WSB1: variants seen among roughly 807,000 people sequenced by gnomAD.
WSB1 encodes WD repeat and SOCS box-containing protein 1.
In WSB1, 23 loss-of-function variants were observed where a neutral mutation model predicts 50.2. The ratio of observed to expected loss-of-function variants is 0.46; its 90% confidence interval spans 0.33 to 0.65. The LOEUF (loss-of-function observed/expected upper bound fraction) is 0.65, where lower values mean the gene tolerates loss of function less well. Ranked by LOEUF, WSB1 falls within the 30% of genes least tolerant of loss-of-function variation. The pLI is 0.02. For synonymous variants in WSB1, 179 were observed against 172.0 expected, an observed-to-expected ratio of 1.04 and a Z score of -0.32; for missense variants, 492 against 522.3, an observed-to-expected ratio of 0.94 and a Z score of 0.56.
At position 27,314,797 on chromosome 17, in the gene WSB1, C is replaced by T. The variant is rs1054735660; in HGVS notation, c.*2428C>T. 1 of 152,080 alleles carries T rather than the reference C, an allele frequency of 6.6e-6. No individual in the cohort carries two copies. Among genetic ancestry groups the T allele is most frequent in the Non-Finnish European group, 1.5e-5 (1 of 68,102 alleles). 9.4% of individuals were successfully genotyped at this position (152,080 alleles called of 1,614,324 possible). ...TCTCCTGCCTCAGCCTCCCAAGCAG[C>T]TGGGATTACAGGCGCTCCCCCACCA... On this transcript the variant is annotated 3_prime_UTR_variant, in exon 9 of 9. Coordinates refer to ENST00000262394, the MANE Select transcript of WSB1 (RefSeq NM_015626.10).
rs903067782 is a variant in WSB1, at chr17:27,311,490, T to A, written c.999-19T>A. ...CTTACATTTTCTACAAGATACTAAA[T>A]AATTTATTTCATTTTCAGAATGGTG... On this transcript the variant is annotated intron_variant, in intron 7 of 8. Transcript: ENST00000262394. 45 of 1,570,978 alleles carry A rather than the reference T, an allele frequency of 2.9e-5. No individual in the cohort carries two copies. The highest frequency in any genetic ancestry group is 3.8e-5 in the Non-Finnish European group (44 of 1,163,980).
chr17:27,294,366 G>T lies in WSB1; in HGVS notation c.-30G>T, dbSNP rs555516977. 1.2e-6 allele frequency: 2 copies of T among 1,611,924 alleles called. No homozygotes were observed. Among genetic ancestry groups the T allele is most frequent in the East Asian group, 2.2e-5 (1 of 44,780 alleles). On this transcript the variant is annotated 5_prime_UTR_variant, in exon 1 of 9. Transcript: ENST00000262394. The stretch of plus-strand genomic sequence containing the variant: ...TCTTCTCTGTTGTTGGGTCCGCATC[G>T]TATTCCCGGAATCAGACGGTGCCCC...
intron 5 of WSB1, chr17:27,307,547 A>G: frequency 3.4e-6 from 2 of 580,466 alleles, no homozygotes; most frequent in South Asian, 4.4e-5. Flanking sequence ...CTTTGAATTA[A>G]TGGAGGGTGG....
At position 27,313,594 on chromosome 17, in the gene WSB1, G is replaced by T. The variant is rs1383051223; in HGVS notation, c.*1225G>T. 1 of 151,288 alleles carries T rather than the reference G, an allele frequency of 6.6e-6. No individual in the cohort carries two copies. Among genetic ancestry groups the T allele is most frequent in the Admixed American group, 6.6e-5 (1 of 15,160 alleles). The allele number at this position is 151,288 out of a possible 1,614,324, so 9.4% of individuals were successfully genotyped here. The stretch of plus-strand genomic sequence containing the variant: ...GTAAAATGCTCAATTATATATTTTT[G>T]TTGAGTTTTTTAATTAAAGACTTGT... On this transcript the variant is annotated 3_prime_UTR_variant, in exon 9 of 9. Transcript: ENST00000262394.
At position 27,304,766 on chromosome 17, in the gene WSB1, T is replaced by G. The variant is rs753142513; in HGVS notation, c.479-14T>G. ...TTAATACTGTCTTTTTTTTCCCTTTTCTATCATATTTAGGAAAACTCCTCC... is the reference window on the plus strand; with the variant it reads ...TTAATACTGTCTTTTTTTTCCCTTTGCTATCATATTTAGGAAAACTCCTCC... On this transcript the variant is annotated splice_polypyrimidine_tract_variant and intron_variant, in intron 3 of 8. Transcript: ENST00000262394. 2.0e-5 allele frequency: 32 copies of G among 1,607,880 alleles called. No individual in the cohort carries two copies. In the South Asian group the frequency reaches 3.6e-4, roughly 18 times the overall value.
At position 27,303,639 on chromosome 17, in the gene WSB1, T is replaced by C. The variant is rs1567687451; in HGVS notation, c.478+4T>C. ...AAAATATGGGATGTATATACAGGTA[T>C]GGATTCATAGTTTTTAAAGCAAATG... On this transcript the variant is annotated splice_donor_region_variant and intron_variant, in intron 3 of 8. Coordinates refer to ENST00000262394, the MANE Select transcript of WSB1 (RefSeq NM_015626.10). 1 of 1,611,186 alleles carries C rather than the reference T, an allele frequency of 6.2e-7. No homozygotes were observed. Among genetic ancestry groups the C allele is most frequent in the Non-Finnish European group, 8.5e-7 (1 of 1,177,866 alleles).
chr17:27,304,861 T>G lies in WSB1; in HGVS notation c.560T>G (p.Val187Gly). 6.2e-7 allele frequency: 1 copy of G among 1,614,106 alleles called. No homozygotes were observed. The highest frequency in any genetic ancestry group is 8.5e-7 in the Non-Finnish European group (1 of 1,179,982). Reference sequence around the variant, plus strand: ...GCTCCAGATGGAAGCTTGATCCTGGTGTCAGCTTCAAGAGACAAAACTCTC... The same window carrying G: ...GCTCCAGATGGAAGCTTGATCCTGGGGTCAGCTTCAAGAGACAAAACTCTC... ...TFAPDGSLIL[V>G]SASRDKTLRV... Residue 187 changes from valine to glycine, a missense_variant, in exon 4 of 9, where the codon GTG (valine) becomes GGG (glycine). Physicochemically the swap from Val to Gly is moderately radical, Grantham distance 109. Coordinates refer to ENST00000262394, the MANE Select transcript of WSB1 (RefSeq NM_015626.10).
intron 1 of WSB1, among the ~76,000 whole-genome samples, chr17:27,294,932 G>A (rs1249226948): frequency 6.6e-6 from 1 of 152,186 alleles, no homozygotes; most frequent in African/African-American, 2.4e-5. Context: ...AAATGGTGTG[G>A]CCTTAAGAAA....
Position 27,294,499 on chromosome 17 carries a change from G to A in WSB1, c.40+64G>A. 2.5e-6 allele frequency: 4 copies of A among 1,595,858 alleles called. No individual in the cohort carries two copies. In the South Asian group the frequency reaches 3.3e-5, roughly 13 times the overall value. On this transcript the variant is annotated intron_variant, in intron 1 of 8. Transcript: ENST00000262394. ...GGAGAGGCAGGGACTCCCCGGAGGA[G>A]GTTTGGGAGGAAGCGACTCCAAGTC... is the stretch of plus-strand genomic sequence containing the variant.
At chr17:27,309,406 C>T in intron 6 of WSB1, 134 bp downstream of exon 6, 2 of 830,914 alleles carry the variant, frequency 2.4e-6, no homozygotes, top group Non-Finnish European at 3.6e-6. Context: ...TTATTTAAGC[C>T]CTTGACTAAT....
At chr17:27,298,126 G>GAAAAAA (rs35222722) in intron 1 of WSB1, among the ~76,000 whole-genome samples, 1 of 74,198 alleles carries the variant, frequency 1.3e-5, no homozygotes, top group Non-Finnish European at 2.5e-5. Flanking sequence ...CTCCGTCTCA[G>GAAAAAA]AAAAAAAAAA....
chr17:27,305,071 A>G (rs762103724), intron 4 of WSB1, among the ~76,000 whole-genome samples, 160 bp downstream of exon 4: 71 of 152,226 alleles, frequency 4.7e-4, no homozygotes, highest in Non-Finnish European at 9.1e-4. Context: ...TAGATCAAAG[A>G]AAAACATAAA....
At chr17:27,303,731 T>TTTTTTGCACTGGAATTGGGATTTGA in intron 3 of WSB1, 96 bp downstream of exon 3, 1 of 1,464,424 alleles carries the variant, frequency 6.8e-7, no homozygotes, top group Non-Finnish European at 9.2e-7. Context: ...TTCAGCTTAC[T>TTTTTTGCACTGGAATTGGGATTTGA]GAAAAGCAAG....
chr17:27,295,977 A>G (rs540688903), intron 1 of WSB1, among the ~76,000 whole-genome samples: 1 of 152,128 alleles, frequency 6.6e-6, no homozygotes, highest in East Asian at 1.9e-4. Flanking sequence ...AGGTGGGATT[A>G]CAGGCATGCA....
chr17:27,315,223 C>A lies in WSB1; in HGVS notation c.*2854C>A, dbSNP rs1453437066. On this transcript the variant is annotated 3_prime_UTR_variant, in exon 9 of 9. Transcript: ENST00000262394. ...CTAGCTACATGATTTGAAAATGACA[C>A]TGCCTCTCCTATTTTGCCACAAGCC... 1 of 152,202 alleles carries A rather than the reference C, an allele frequency of 6.6e-6. No homozygotes were observed. Among genetic ancestry groups the A allele is most frequent in the Admixed American group, 6.5e-5 (1 of 15,288 alleles). The allele number at this position is 152,202 out of a possible 1,614,324, so 9.4% of individuals were successfully genotyped here. A position where few individuals can be genotyped will look rare whatever the true frequency, so the allele number is the denominator to read the frequency against.
chr17:27,312,259 A>G lies in WSB1; in HGVS notation c.1156A>G (p.Ser386Gly), dbSNP rs373034597. 148 of 1,614,052 alleles carry G rather than the reference A, an allele frequency of 9.2e-5. No homozygotes were observed. Among genetic ancestry groups the G allele is most frequent in the Non-Finnish European group, 1.2e-4 (146 of 1,180,040 alleles). ...TTGGGCCACTCCACGGCAGGTCCCT[A>G]GCCTGCAACATTTATGTCGCATGTC... ...YFWATPRQVP[S>G]LQHLCRMSIR... The change falls in exon 9 of 9, where the codon AGC becomes GGC. Residue 386 changes from serine (S) to glycine (G), a missense_variant. By Grantham distance (56) the Ser-to-Gly change is moderately conservative (BLOSUM62 0). Coordinates refer to ENST00000262394, the MANE Select transcript of WSB1 (RefSeq NM_015626.10).
rs2017737004 is a variant in WSB1 at position 27,312,779 on chromosome 17, T to TA, written c.*411dup. On this transcript the variant is annotated 3_prime_UTR_variant, in exon 9 of 9. Transcript: ENST00000262394. The stretch of plus-strand genomic sequence containing the variant: ...CTGAGTTAGATGGTAAATACTGACT[T>TA]ACGAAAGTTGAATTGGGTGAGGCGG... 1 of 154,792 alleles carries TA rather than the reference T, an allele frequency of 6.5e-6. No individual in the cohort carries two copies. Among genetic ancestry groups the TA allele is most frequent in the African/African-American group, 2.4e-5 (1 of 41,252 alleles). 9.6% of individuals were successfully genotyped at this position (154,792 alleles called of 1,614,324 possible).
rs748059024 is a variant in WSB1, at chr17:27,304,818, G to A, written c.517G>A (p.Val173Ile). The change falls in exon 4 of 9, where the codon GTC (valine) becomes ATC (isoleucine). Residue 173 changes from valine to isoleucine, a missense_variant. Transcript: ENST00000262394. ...LLNLVDHTEV[V>I]RDLTFAPDGS... ...TAACTTGGTAGATCATACTGAAGTG[G>A]TCAGAGATTTAACTTTTGCTCCAGA... 1 of 1,613,962 alleles carries A rather than the reference G, an allele frequency of 6.2e-7. No individual in the cohort carries two copies. The highest frequency in any genetic ancestry group is 8.5e-7 in the Non-Finnish European group (1 of 1,179,952).
chr17:27,312,020 C>T (rs7213148), intron 8 of WSB1, among the ~76,000 whole-genome samples, 190 bp from the exon 9 acceptor site: 3,559 of 152,230 alleles, frequency 0.023, 60 homozygotes, highest in Middle Eastern at 0.061. Flanking sequence ...CAGTAAAACT[C>T]TAATAAGTGT....
Sources: gnomAD v4.1 joint callset for allele counts (sites outside exome capture counted in the v4.1 genomes callset) on GRCh38, gnomAD v4.1.1 for gene constraint, MANE v1.5 for transcripts, NCBI Gene and HGNC (gene_info 2026-07-23, HGNC 2026-07-21) for gene names.